PVR: variants seen among roughly 807,000 people sequenced by gnomAD.
The protein encoded by PVR is poliovirus receptor.
In PVR, 39 loss-of-function variants were observed where a neutral mutation model predicts 43.3. That is an observed-to-expected ratio of 0.90 (90% CI 0.70 to 1.18). The LOEUF (loss-of-function observed/expected upper bound fraction) is 1.18. Ranked by LOEUF, PVR falls within the 50% of genes most tolerant of loss-of-function variation. The pLI is 0.00. For missense variants in PVR, 480 were observed against 549.7 expected (o/e 0.87, Z 1.27); for synonymous variants, 224 against 233.2 (o/e 0.96, Z 0.36).
intron 4 of PVR, among the ~76,000 whole-genome samples, chr19:44,654,503 G>T (rs1973383951): frequency 6.6e-6 from 1 of 152,218 alleles, no homozygotes. Context: ...GGATGCACCT[G>T]CTTTTTGGGG....
chr19:44,657,292 G>A (rs1307909796), intron 4 of PVR, among the ~76,000 whole-genome samples: 1 of 152,230 alleles, frequency 6.6e-6, no homozygotes, highest in African/African-American at 2.4e-5. Context: ...CGTGGGCAGA[G>A]GTAGCAGGGG....
Position 44,649,712 on chromosome 19 carries a change from C to G in PVR, c.428-97C>G. The G allele has an allele frequency of 5.9e-6, 8 of 1,356,584 alleles. 1 individual carries two copies. The South Asian group carries it at 1.1e-4, about 18-fold the overall frequency. The allele number at this position is 1,356,584 out of a possible 1,614,324, so 84.0% of individuals were successfully genotyped here. A position where few individuals can be genotyped will look rare whatever the true frequency, so the allele number is the denominator to read the frequency against. On this transcript the variant is annotated intron_variant, in intron 2 of 7. Coordinates refer to ENST00000425690, the MANE Select transcript of PVR (RefSeq NM_006505.5). The stretch of plus-strand genomic sequence containing the variant: ...CTGGGATTATAGGCGTGAGCCACCC[C>G]GCCCAGCAACCATGCCATCCTGTAC...
rs148210052 is a variant in PVR, at chr19:44,654,324, G to A, written c.842+307G>A. The stretch of plus-strand genomic sequence containing the variant: ...AGAAGCTGGGAGCCTGGACCCCTGG[G>A]TCTGAGGCAGGACAGACTGGGGCCT... On this transcript the variant is annotated intron_variant, in intron 4 of 7. Transcript: ENST00000425690. 5.1e-3 allele frequency among the ~76,000 whole-genome samples: 771 copies of A among 152,188 alleles called. 18 individuals are homozygous for A. The highest frequency in any genetic ancestry group is 0.04 in the Admixed American group (607 of 15,286).
chr19:44,656,882 A>C (rs1973460030), intron 4 of PVR, among the ~76,000 whole-genome samples: 1 of 152,144 alleles, frequency 6.6e-6, no homozygotes, highest in Non-Finnish European at 1.5e-5. Flanking sequence ...CTGAGGTGGG[A>C]AGATTCCATG....
intron 3 of PVR, among the ~76,000 whole-genome samples, chr19:44,653,075 T>C (rs1298081826): frequency 6.6e-6 from 1 of 152,082 alleles, no homozygotes; most frequent in Non-Finnish European, 1.5e-5. Flanking sequence ...CCAAATACTG[T>C]CTACACACAT....
chr19:44,644,780 C>T (rs1379385692), intron 1 of PVR, among the ~76,000 whole-genome samples: 1 of 146,672 alleles, frequency 6.8e-6, no homozygotes, highest in Admixed American at 6.9e-5. Flanking sequence ...CAGTGTCCTG[C>T]TCTCGGCTCA....
rs1973607082 is a variant in PVR, at chr19:44,662,118, T to A, written c.*307T>A. 3 of 357,036 alleles carry A rather than the reference T, an allele frequency of 8.4e-6. No individual in the cohort carries two copies. The highest frequency in any genetic ancestry group is 1.6e-5 in the Non-Finnish European group (3 of 190,150). The allele number at this position is 357,036 out of a possible 1,614,324, so 22.1% of individuals were successfully genotyped here. A position where few individuals can be genotyped will look rare whatever the true frequency, so the allele number is the denominator to read the frequency against. On this transcript the variant is annotated 3_prime_UTR_variant, in exon 8 of 8. Transcript: ENST00000425690. ...TGCACAGCACACGTTCCACGACAGA[T>A]GAGGCGACGGCTTCCATCTGCCCTC...
chr19:44,656,325 G>A (rs1317927192), intron 4 of PVR, among the ~76,000 whole-genome samples: 1 of 152,198 alleles, frequency 6.6e-6, no homozygotes, highest in Non-Finnish European at 1.5e-5. Context: ...AGTTGTCCGT[G>A]GAAGGAATTG....
intron 4 of PVR, among the ~76,000 whole-genome samples, chr19:44,656,719 C>A (rs1412648139): frequency 6.6e-6 from 1 of 152,176 alleles, no homozygotes; most frequent in Non-Finnish European, 1.5e-5. Flanking sequence ...CCTGTAATCC[C>A]AGCACTTTGG....
chr19:44,657,407 T>C (rs887016916), intron 4 of PVR, among the ~76,000 whole-genome samples: 2 of 152,084 alleles, frequency 1.3e-5, no homozygotes, highest in Admixed American at 6.6e-5. Context: ...GACTTAGGGT[T>C]CACAGGCGAC....
intron 6 of PVR, 108 bp from the exon 7 acceptor site, chr19:44,661,184 A>G: frequency 2.0e-6 from 2 of 1,020,168 alleles, no homozygotes; most frequent in Non-Finnish European, 3.1e-6. Context: ...CCCATGTAAT[A>G]GCAGAGGCAG....
At position 44,663,005 on chromosome 19, in the gene PVR, C is replaced by A. The variant is rs553082506; in HGVS notation, c.*1194C>A. 1 of 152,342 alleles carries A rather than the reference C, an allele frequency of 6.6e-6. No homozygotes were observed. Among genetic ancestry groups the A allele is most frequent in the South Asian group, 2.1e-4 (1 of 4,822 alleles). 9.4% of individuals were successfully genotyped at this position (152,342 alleles called of 1,614,324 possible). On this transcript the variant is annotated 3_prime_UTR_variant, in exon 8 of 8. Coordinates refer to ENST00000425690, the MANE Select transcript of PVR (RefSeq NM_006505.5). ...GCCACTTTCTGCCAGCATCTGCAGCCACTTTCTGCCAGCATCTGCAGCCAG... is the reference window on the plus strand; with the variant it reads ...GCCACTTTCTGCCAGCATCTGCAGCAACTTTCTGCCAGCATCTGCAGCCAG...
chr19:44,659,633 C>T (rs371604375), intron 6 of PVR, among the ~76,000 whole-genome samples: 4 of 152,132 alleles, frequency 2.6e-5, no homozygotes, highest in Admixed American at 2.0e-4. Context: ...CAGGCACGCA[C>T]TACTATGCCC....
intron 1 of PVR, among the ~76,000 whole-genome samples, chr19:44,645,226 TTATAA>T (rs1482942641): frequency 1.1e-5 from 1 of 93,872 alleles, no homozygotes; most frequent in Admixed American, 1.8e-4. Flanking sequence ...ATATATATTA[TTATAA>T]TATATAATAT....
In PVR at chr19:44,658,188, T is replaced by G. The variant is rs530642676; in HGVS notation, c.991+278T>G. 5.9e-5 allele frequency among the ~76,000 whole-genome samples: 9 copies of G among 152,250 alleles called. No homozygotes were observed. The South Asian group carries it at 1.9e-3, about 32-fold the overall frequency. ...TCCAAATATATTAGGCAGACCTCTA[T>G]CAATTGCAATTGACAGAAACACAAA... On this transcript the variant is annotated intron_variant, in intron 5 of 7. Coordinates refer to ENST00000425690, the MANE Select transcript of PVR (RefSeq NM_006505.5).
intron 3 of PVR, 108 bp downstream of exon 3, chr19:44,650,213 C>A (rs1041050139): frequency 8.9e-7 from 1 of 1,118,794 alleles, no homozygotes. Context: ...TCATCTGCAC[C>A]GGCTCCCCTG....
chr19:44,658,721 ACCTGTTT>A lies in PVR; in HGVS notation c.992-17_992-11del. 6.3e-7 allele frequency: 1 copy of A among 1,578,452 alleles called. No individual in the cohort carries two copies. Among genetic ancestry groups the A allele is most frequent in the Non-Finnish European group, 8.6e-7 (1 of 1,156,154 alleles). On this transcript the variant is annotated splice_polypyrimidine_tract_variant and intron_variant, in intron 5 of 7. Transcript: ENST00000425690. ...ACCCCAAGAGTTTCCTTACCTAAAT[ACCTGTTT>A]CCTTCTCTTTCAGAGGGACCTCCCA... is the stretch of plus-strand genomic sequence containing the variant.
intron 3 of PVR, 168 bp from the exon 4 acceptor site, chr19:44,653,732 C>T (rs911548973): frequency 1.7e-6 from 1 of 604,186 alleles, no homozygotes; most frequent in African/African-American, 1.8e-5. Context: ...GACTCCTAGG[C>T]TTCTGCTCTC....
chr19:44,654,027 G>T lies in PVR; in HGVS notation c.842+10G>T, dbSNP rs1177295468. The T allele has an allele frequency of 6.3e-7, 1 of 1,594,280 alleles. No individual in the cohort carries two copies. The highest frequency in any genetic ancestry group is 1.1e-5 in the South Asian group (1 of 90,682). On this transcript the variant is annotated intron_variant, in intron 4 of 7. Coordinates refer to ENST00000425690, the MANE Select transcript of PVR (RefSeq NM_006505.5). ...GCTATAATTGGAGCACGTGAGTCCT[G>T]GGTCTCAGGGAGGAGGGGCTGGGGG...
Sources: gnomAD v4.1 joint callset for allele counts (sites outside exome capture counted in the v4.1 genomes callset) on GRCh38, gnomAD v4.1.1 for gene constraint, MANE v1.5 for transcripts, NCBI Gene and HGNC (gene_info 2026-07-23, HGNC 2026-07-21) for gene names.